OCA2: variants seen among roughly 807,000 people sequenced by gnomAD.
OCA2 encodes OCA2 melanosomal transmembrane protein.
OCA2 carries 77 observed loss-of-function variants against 100.2 expected under a neutral mutation model. The ratio of observed to expected loss-of-function variants is 0.77; its 90% CI spans 0.64 to 0.93. OCA2 has a LOEUF of 0.93. Ranked by LOEUF, OCA2 falls within the 40% of genes least tolerant of loss-of-function variation. OCA2 has a pLI of 0.00. For synonymous variants in OCA2, 432 were observed against 439.2 expected (o/e 0.98, Z 0.21); for missense variants, 1,062 against 1,089.1 (o/e 0.98, Z 0.35).
At chr15:28,019,910 G>A (rs1429625071) in intron 6 of OCA2, among the ~76,000 whole-genome samples, 13 of 152,184 alleles carry the variant, frequency 8.5e-5, no homozygotes, top group South Asian at 2.1e-4. Flanking sequence ...GTGAGTTTCC[G>A]GAAAGCGTGG....
intron 21 of OCA2, among the ~76,000 whole-genome samples, chr15:27,854,620 T>C (rs928987552): frequency 6.6e-6 from 1 of 152,246 alleles, no homozygotes; most frequent in African/African-American, 2.4e-5. Context: ...AGCTTTGCTT[T>C]TGTTGTCTTA....
At chr15:28,098,652 T>A (rs1566891063) in intron 1 of OCA2, among the ~76,000 whole-genome samples, 1 of 152,236 alleles carries the variant, frequency 6.6e-6, no homozygotes, top group African/African-American at 2.4e-5. Context: ...GCACTTGTCC[T>A]GAGCCCCTGG....
intron 15 of OCA2, among the ~76,000 whole-genome samples, chr15:27,963,188 C>T (rs2040461558): frequency 6.6e-6 from 1 of 152,136 alleles, no homozygotes; most frequent in Non-Finnish European, 1.5e-5. Flanking sequence ...CAACCTTAGA[C>T]ACGTCTGTAT....
chr15:27,813,714 G>C (rs978331045), intron 23 of OCA2, among the ~76,000 whole-genome samples: 2 of 152,116 alleles, frequency 1.3e-5, no homozygotes, highest in African/African-American at 2.4e-5. Context: ...GATGAAAGAG[G>C]CTTCTCACAC....
At chr15:27,764,072 A>T (rs1406906197) in intron 23 of OCA2, among the ~76,000 whole-genome samples, 1 of 151,312 alleles carries the variant, frequency 6.6e-6, no homozygotes, top group African/African-American at 2.4e-5. Flanking sequence ...ACAGAGGGAG[A>T]AATGGAAGGC....
intron 7 of OCA2, among the ~76,000 whole-genome samples, chr15:28,016,848 T>C (rs1009426817): frequency 6.6e-6 from 1 of 152,166 alleles, no homozygotes; most frequent in Non-Finnish European, 1.5e-5. Context: ...ACTAGAGACT[T>C]GGAGAACTCT....
intron 19 of OCA2, among the ~76,000 whole-genome samples, chr15:27,896,887 C>A (rs1276001853): frequency 6.9e-6 from 1 of 144,590 alleles, no homozygotes. Context: ...GTCTCCAGGG[C>A]ATGTCAGAAA....
intron 2 of OCA2, among the ~76,000 whole-genome samples, chr15:28,064,049 G>A (rs2043953567): frequency 6.6e-6 from 1 of 152,076 alleles, no homozygotes; most frequent in Non-Finnish European, 1.5e-5. Flanking sequence ...CATTTTTGAA[G>A]GGCAGTTTTG....
At chr15:27,983,720 G>T (rs1015416859) in intron 13 of OCA2, among the ~76,000 whole-genome samples, 2 of 152,010 alleles carry the variant, frequency 1.3e-5, no homozygotes, top group African/African-American at 2.4e-5. Context: ...CAAACCCTCG[G>T]TGTGGTCAGG....
At chr15:28,025,058 G>A (rs2042708502) in intron 4 of OCA2, among the ~76,000 whole-genome samples, 156 bp from the exon 5 acceptor site, 2 of 152,152 alleles carry the variant, frequency 1.3e-5, no homozygotes, top group Non-Finnish European at 2.9e-5. Context: ...TCATATCAGT[G>A]ACCAGTAAAC....
At position 27,854,486 on chromosome 15, in the gene OCA2, T is replaced by C. The variant is rs138204825; in HGVS notation, c.2245-3011A>G. On this transcript the variant is annotated intron_variant, in intron 21 of 23. Coordinates refer to ENST00000354638, the MANE Select transcript of OCA2 (RefSeq NM_000275.3). ...TTTTTGTTGTCAGTAGCGTCAAATA[T>C]ACACTGGAAGAGAAATAAGTAGCAC... is the stretch of plus-strand genomic sequence containing the variant. Among the ~76,000 whole-genome samples, 31 of 152,278 alleles carry C rather than the reference T, an allele frequency of 2.0e-4. No homozygotes were observed. In the East Asian group the frequency reaches 6.0e-3, roughly 29 times the overall value.
At chr15:27,797,178 C>G (rs2033379226) in intron 23 of OCA2, among the ~76,000 whole-genome samples, 2 of 152,218 alleles carry the variant, frequency 1.3e-5, no homozygotes, top group Non-Finnish European at 1.5e-5. Flanking sequence ...ATCTAAAGGG[C>G]TGGCTCTGAA....
intron 23 of OCA2, among the ~76,000 whole-genome samples, chr15:27,840,731 A>C (rs2035310762): frequency 6.6e-6 from 1 of 152,186 alleles, no homozygotes; most frequent in African/African-American, 2.4e-5. Flanking sequence ...AGAAAATAAA[A>C]CCTTGATCTA....
Position 28,022,554 on chromosome 15 carries a change from G to T in OCA2, c.593C>A (p.Pro198Gln). Residue 198 changes from proline (P) to glutamine (Q), a missense_variant, in exon 6 of 24, where the codon CCG becomes CAG. By Grantham distance (76) the Pro-to-Gln change is moderately conservative. Transcript: ENST00000354638. ...VLCSILFSLY[P>Q]DQGKLWQLLA... ...CAGCTGCCAGAGCTTTCCTTGATCC[G>T]GATATAGGCTGAACAAAATCTGTAA... 1 of 1,613,770 alleles carries T rather than the reference G, an allele frequency of 6.2e-7. No homozygotes were observed. Among genetic ancestry groups the T allele is most frequent in the Non-Finnish European group, 8.5e-7 (1 of 1,179,678 alleles).
At chr15:27,819,002 GTCTCT>G (rs2034408030) in intron 23 of OCA2, among the ~76,000 whole-genome samples, 1 of 152,176 alleles carries the variant, frequency 6.6e-6, no homozygotes, top group South Asian at 2.1e-4. Flanking sequence ...TGAGGCTCAT[GTCTCT>G]TGTCAGCATC....
chr15:28,088,043 C>T (rs76415938), intron 1 of OCA2, among the ~76,000 whole-genome samples: 4,137 of 151,116 alleles, frequency 0.027, 96 homozygotes, highest in Middle Eastern at 0.12. Context: ...GCCTGGGCAG[C>T]GAAAGCGAAC....
intron 23 of OCA2, among the ~76,000 whole-genome samples, chr15:27,783,074 C>A (rs529612821): frequency 4.6e-5 from 7 of 152,146 alleles, no homozygotes; most frequent in Non-Finnish European, 7.3e-5. Context: ...CTAAATGGAC[C>A]AGTAAGACAG....
intron 9 of OCA2, among the ~76,000 whole-genome samples, chr15:28,004,730 C>T (rs890787908): frequency 6.6e-6 from 1 of 152,096 alleles, no homozygotes; most frequent in Non-Finnish European, 1.5e-5. Context: ...CAGAGTCACA[C>T]TCTCACATGC....
chr15:28,019,932 G>C (rs778779173), intron 6 of OCA2, among the ~76,000 whole-genome samples: 7 of 152,296 alleles, frequency 4.6e-5, no homozygotes, highest in Non-Finnish European at 7.4e-5. Flanking sequence ...TAATCCCTGG[G>C]AACACTGCCC....
Sources: gnomAD v4.1 joint callset for allele counts (sites outside exome capture counted in the v4.1 genomes callset) on GRCh38, gnomAD v4.1.1 for gene constraint, MANE v1.5 for transcripts, NCBI Gene and HGNC (gene_info 2026-07-23, HGNC 2026-07-21) for gene names.